The following CCDC171 variants were observed in gnomAD, a reference collection of about 807,000 sequenced individuals.
The protein encoded by CCDC171 is coiled-coil domain-containing protein 171.
CCDC171 carries 177 observed loss-of-function variants against 168.2 expected under a neutral mutation model. That is an observed-to-expected ratio of 1.05 (90% CI 0.93 to 1.19). The LOEUF is 1.19. Ranked by LOEUF, CCDC171 falls within the 50% of genes most tolerant of loss-of-function variation. The pLI is 0.00. For missense variants in CCDC171, 1,991 were observed against 1,539.0 expected, an observed-to-expected ratio of 1.29 and a Z score of -4.91; for synonymous variants, 687 against 540.8, an observed-to-expected ratio of 1.27 and a Z score of -3.75.
intron 2 of CCDC171, among the ~76,000 whole-genome samples, chr9:15,571,061 C>T (rs1242240894): frequency 6.6e-6 from 1 of 152,174 alleles, no homozygotes; most frequent in Non-Finnish European, 1.5e-5. Context: ...TTGCCAATTA[C>T]TGAGCTTTTG....
intron 6 of CCDC171, among the ~76,000 whole-genome samples, chr9:15,620,135 C>T (rs963002191): frequency 6.6e-6 from 1 of 152,230 alleles, no homozygotes; most frequent in Non-Finnish European, 1.5e-5. Flanking sequence ...TCCTTGCTAA[C>T]ACAACATCCA....
chr9:15,745,516 ACAT>A lies in CCDC171; in HGVS notation c.2559_2561del (p.His853del), dbSNP rs759885349. 7.2e-6 allele frequency: 11 copies of A among 1,537,480 alleles called. No homozygotes were observed. In the South Asian group the frequency reaches 1.1e-4, roughly 16 times the overall value. On this transcript the variant is annotated inframe_deletion and splice_region_variant, in exon 18 of 26. Coordinates refer to ENST00000380701, the MANE Select transcript of CCDC171 (RefSeq NM_173550.4). ...CAATGGATTTTTTCAATTTTATAGA[ACAT>A]CAAAAGGAGCAGTTGCGTTGTTTAC...
At chr9:15,682,564 A>G (rs891521490) in intron 10 of CCDC171, among the ~76,000 whole-genome samples, 5 of 151,932 alleles carry the variant, frequency 3.3e-5, no homozygotes, top group African/African-American at 9.7e-5. Context: ...GGTAATTACT[A>G]TCTCAAACAT....
At chr9:15,569,903 GA>G (rs2040082885) in intron 2 of CCDC171, among the ~76,000 whole-genome samples, 1 of 151,872 alleles carries the variant, frequency 6.6e-6, no homozygotes, top group Admixed American at 6.6e-5. Flanking sequence ...TTTTCTGGGA[GA>G]TTTTTCTTTT....
chr9:15,867,878 G>A (rs2061857915), intron 23 of CCDC171, among the ~76,000 whole-genome samples: 1 of 151,900 alleles, frequency 6.6e-6, no homozygotes. Context: ...ATAGCTCAAG[G>A]TCAAAGCACT....
intron 9 of CCDC171, among the ~76,000 whole-genome samples, chr9:15,671,920 A>C (rs1242406726): frequency 6.6e-6 from 1 of 152,184 alleles, no homozygotes; most frequent in East Asian, 1.9e-4. Flanking sequence ...TCCTTGAGGA[A>C]TTGCCACACT....
At chr9:15,762,705 A>G (rs915105913) in intron 18 of CCDC171, among the ~76,000 whole-genome samples, 15 of 152,172 alleles carry the variant, frequency 9.9e-5, no homozygotes, top group Non-Finnish European at 1.2e-4. Context: ...TGACTATAAA[A>G]TTTGACTAGT....
intron 6 of CCDC171, among the ~76,000 whole-genome samples, chr9:15,604,948 C>A (rs1374068206): frequency 6.6e-6 from 1 of 152,118 alleles, no homozygotes; most frequent in Non-Finnish European, 1.5e-5. Flanking sequence ...GACAAGGTCT[C>A]ACTCTGTTGC....
intron 16 of CCDC171, among the ~76,000 whole-genome samples, chr9:15,739,778 C>G (rs997200367): frequency 6.0e-5 from 9 of 151,050 alleles, no homozygotes; most frequent in Non-Finnish European, 1.2e-4. Context: ...CACTCTGTCG[C>G]CCAAGCTGGA....
intron 8 of CCDC171, among the ~76,000 whole-genome samples, chr9:15,662,895 C>T (rs1258436552): frequency 2.0e-5 from 3 of 152,050 alleles, no homozygotes; most frequent in East Asian, 1.9e-4. Context: ...GCAGGGGAAT[C>T]GCTTGAATCC....
chr9:15,773,505 C>A (rs2057122568), intron 18 of CCDC171, among the ~76,000 whole-genome samples: 1 of 152,108 alleles, frequency 6.6e-6, no homozygotes, highest in African/African-American at 2.4e-5. Flanking sequence ...ATATAGGGTT[C>A]ACTTCTTTCA....
At chr9:15,905,537 G>T (rs1352983277) in intron 24 of CCDC171, among the ~76,000 whole-genome samples, 1 of 152,060 alleles carries the variant, frequency 6.6e-6, no homozygotes, top group Non-Finnish European at 1.5e-5. Flanking sequence ...GTAGAGGGAA[G>T]TTTATAGCAT....
intron 2 of CCDC171, among the ~76,000 whole-genome samples, chr9:15,568,177 T>C (rs541486759): frequency 6.6e-6 from 1 of 152,276 alleles, no homozygotes; most frequent in African/African-American, 2.4e-5. Flanking sequence ...TCCTTTGTAA[T>C]TAAAGACAGT....
intron 21 of CCDC171, among the ~76,000 whole-genome samples, chr9:15,830,544 G>T (rs2060188180): frequency 6.6e-6 from 1 of 152,192 alleles, no homozygotes; most frequent in African/African-American, 2.4e-5. Context: ...ATAATAGGAA[G>T]TTCAGACATT....
At chr9:15,923,185 G>A (rs2132032614) in intron 25 of CCDC171, among the ~76,000 whole-genome samples, 1 of 151,506 alleles carries the variant, frequency 6.6e-6, no homozygotes, top group Non-Finnish European at 1.5e-5. Flanking sequence ...TAGTTTCAGA[G>A]TTGTGATATC....
chr9:15,880,984 G>T (rs972826512), intron 24 of CCDC171, among the ~76,000 whole-genome samples: 2 of 152,116 alleles, frequency 1.3e-5, no homozygotes, highest in Admixed American at 6.6e-5. Flanking sequence ...ACCATCCTTT[G>T]TCTCATCTAG....
At chr9:15,568,948 A>T (rs1408236373) in intron 2 of CCDC171, among the ~76,000 whole-genome samples, 1 of 152,148 alleles carries the variant, frequency 6.6e-6, no homozygotes, top group African/African-American at 2.4e-5. Context: ...TGCTTTAGGC[A>T]TCTTCGTCAT....
rs778644493 is a variant in CCDC171, at chr9:15,980,742, GT to G, written n.369-39834del. On this transcript the variant is annotated intron_variant and non_coding_transcript_variant, in intron 3 of 9. Coordinates refer to the CCDC171 transcript ENST00000486641. ...GATATTCTTGGGTGTTGCTCATTTG[GT>G]TTTTTTTTTTTTAATAACTATTTCA... Among the ~76,000 whole-genome samples, 435 of 141,670 alleles carry G rather than the reference GT, an allele frequency of 3.1e-3. 7 individuals are homozygous for G. The highest frequency in any genetic ancestry group is 3.7e-3 in the Middle Eastern group (1 of 272). The allele number at this position is 141,670 out of a possible 152,430, so 92.9% of individuals were successfully genotyped here. A position where few individuals can be genotyped will look rare whatever the true frequency, so the allele number is the denominator to read the frequency against.
intron 25 of CCDC171, among the ~76,000 whole-genome samples, chr9:15,956,512 A>G (rs1056508428): frequency 2.0e-5 from 3 of 152,210 alleles, no homozygotes; most frequent in African/African-American, 7.2e-5. Context: ...AGCGTAGTTT[A>G]TATTACTTTT....
Sources: gnomAD v4.1 joint callset for allele counts (sites outside exome capture counted in the v4.1 genomes callset) on GRCh38, gnomAD v4.1.1 for gene constraint, MANE v1.5 for transcripts, NCBI Gene and HGNC (gene_info 2026-07-23, HGNC 2026-07-21) for gene names.